CA6: variants seen among roughly 807,000 people sequenced by gnomAD.
The protein encoded by CA6 is carbonate dehydratase VI.
CA6 carries 28 observed loss-of-function variants against 35.9 expected under a neutral mutation model. That is an observed-to-expected ratio of 0.78 (90% CI 0.58 to 1.07). The LOEUF is 1.07. Ranked by LOEUF, CA6 falls within the 50% of genes least tolerant of loss-of-function variation. CA6 has a pLI of 0.00. For missense variants in CA6, 377 were observed against 382.0 expected, an observed-to-expected ratio of 0.99 and a Z score of 0.11; for synonymous variants, 148 against 152.6, an observed-to-expected ratio of 0.97 and a Z score of 0.22.
Position 8,955,070 on chromosome 1 carries a change from C to T in CA6, c.260-2067C>T, listed in dbSNP as rs116335659. Among the ~76,000 whole-genome samples, 1,412 of 151,318 alleles carry T rather than the reference C, an allele frequency of 9.3e-3. 24 individuals are homozygous for T. The highest frequency in any genetic ancestry group is 0.033 in the African/African-American group (1,353 of 41,316). ...CCATTAATATATATTGCCCAGGTGC[C>T]GGCACTGATCCATTAATATATATTG... On this transcript the variant is annotated intron_variant, in intron 2 of 7. Coordinates refer to ENST00000377443, the MANE Select transcript of CA6 (RefSeq NM_001215.4).
intron 2 of CA6, chr1:8,951,802 T>C: frequency 1.9e-6 from 1 of 538,124 alleles, no homozygotes; most frequent in East Asian, 3.0e-5. Flanking sequence ...AAAGTTCACA[T>C]TAATTATATA....
intron 4 of CA6, among the ~76,000 whole-genome samples, chr1:8,962,236 T>TCA (rs201328498): frequency 0.025 from 3,514 of 139,794 alleles, 137 homozygotes; most frequent in African/African-American, 0.092. Context: ...AGCAAGACTC[T>TCA]TAAAAAAAAA....
rs761415507 is a variant in CA6, at chr1:8,949,349, A to T, written c.166A>T (p.Lys56Ter). ...GTCGCCTATCAACCTACAGAGGACGAAGGTGCGGTACAACCCCTCCTTGAA... is the reference window on the plus strand; with the variant it reads ...GTCGCCTATCAACCTACAGAGGACGTAGGTGCGGTACAACCCCTCCTTGAA... ...RQSPINLQRT[K>*]VRYNPSLKGL... The change falls in exon 2 of 8, where the codon AAG becomes TAG. Residue 56 changes from lysine to a stop codon, truncating the protein, a stop_gained. Transcript: ENST00000377443. LOFTEE classifies it high-confidence loss of function. 6 of 1,613,102 alleles carry T rather than the reference A, an allele frequency of 3.7e-6. No homozygotes were observed. Among genetic ancestry groups the T allele is most frequent in the Non-Finnish European group, 5.1e-6 (6 of 1,179,466 alleles).
At chr1:8,956,182 C>T (rs530828662) in intron 2 of CA6, among the ~76,000 whole-genome samples, 2 of 151,974 alleles carry the variant, frequency 1.3e-5, no homozygotes, top group East Asian at 3.9e-4. Flanking sequence ...TAGATCATGC[C>T]ACTGCACTCC....
intron 5 of CA6, among the ~76,000 whole-genome samples, chr1:8,966,986 T>TA (rs35048690): frequency 0.44 from 66,044 of 151,468 alleles, 14,912 homozygotes; most frequent in East Asian, 0.7. Flanking sequence ...AAAAAAATAA[T>TA]AAAAAAAACA....
chr1:8,966,074 G>A (rs2124181221), intron 5 of CA6, among the ~76,000 whole-genome samples: 1 of 152,232 alleles, frequency 6.6e-6, no homozygotes, highest in Non-Finnish European at 1.5e-5. Context: ...GTAGATAGGA[G>A]TAGAATTGCT....
Position 8,958,979 on chromosome 1 carries a change from GC to G in CA6, c.479del (p.Ala160ValfsTer9). 1 of 1,611,806 alleles carries G rather than the reference GC, an allele frequency of 6.2e-7. No homozygotes were observed. The highest frequency in any genetic ancestry group is 1.1e-5 in the South Asian group (1 of 90,948). On this transcript the variant is annotated frameshift_variant, in exon 4 of 8. Coordinates refer to ENST00000377443, the MANE Select transcript of CA6 (RefSeq NM_001215.4). LOFTEE classifies it high-confidence loss of function. The part of the protein sequence containing the change: ...DIAQDAPDGL[A>X]VLAAFVEVKN... ...AGCCCAAGATGCGCCGGATGGTTTG[GC>G]TGTACTGGCAGCCTTCGTTGAGGTA...
chr1:8,954,370 G>A (rs1389391715), intron 2 of CA6, among the ~76,000 whole-genome samples: 2 of 152,116 alleles, frequency 1.3e-5, no homozygotes, highest in East Asian at 1.9e-4. Flanking sequence ...TCGCCATGTC[G>A]GCCAGGCTGG....
chr1:8,972,631 C>T (rs1022853892), intron 7 of CA6, among the ~76,000 whole-genome samples: 2 of 152,060 alleles, frequency 1.3e-5, no homozygotes, highest in African/African-American at 2.4e-5. Context: ...TGCAGTGAGC[C>T]GAGATTGCGC....
At chr1:8,954,592 A>AGACC (rs1299086773) in intron 2 of CA6, among the ~76,000 whole-genome samples, 1 of 152,228 alleles carries the variant, frequency 6.6e-6, no homozygotes, top group Admixed American at 6.5e-5. Flanking sequence ...GGTAACATAT[A>AGACC]GACCAAGTTG....
intron 6 of CA6, 147 bp downstream of exon 6, chr1:8,967,963 CTTTTTTT>C: frequency 5.4e-5 from 16 of 296,736 alleles, no homozygotes; most frequent in East Asian, 8.2e-5. Context: ...TCTAGCCAAC[CTTTTTTT>C]TTTTTTTTTT....
At chr1:8,970,844 T>C (rs762034029) in intron 6 of CA6, 23 bp from the exon 7 acceptor site, 1 of 1,400,314 alleles carries the variant, frequency 7.1e-7, no homozygotes. Flanking sequence ...TTCCCCTCCA[T>C]AATGCACTCA....
At chr1:8,968,877 C>T (rs186641011) in intron 6 of CA6, among the ~76,000 whole-genome samples, 29 of 151,180 alleles carry the variant, frequency 1.9e-4, no homozygotes, top group African/African-American at 2.7e-4. Flanking sequence ...ATTAGCCAGT[C>T]GTGGTGGTGG....
chr1:8,952,803 T>G (rs1034452963), intron 2 of CA6, among the ~76,000 whole-genome samples: 1 of 152,042 alleles, frequency 6.6e-6, no homozygotes, highest in Non-Finnish European at 1.5e-5. Context: ...ATTACAGGCA[T>G]GTGCCACCAC....
chr1:8,970,943 T>G lies in CA6; in HGVS notation c.806T>G (p.Leu269Arg). ...AACGATTACCGCAGGACCCAGCCCC[T>G]GAACCACAGAGTGGTGGAATCCAAC... ...IHNDYRRTQP[L>R]NHRVVESNFP... Residue 269 changes from leucine to arginine, a missense_variant, in exon 7 of 8, where the codon CTG becomes CGG. Coordinates refer to ENST00000377443, the MANE Select transcript of CA6 (RefSeq NM_001215.4). The G allele has an allele frequency of 6.2e-7, 1 of 1,613,856 alleles. No homozygotes were observed.
intron 7 of CA6, among the ~76,000 whole-genome samples, chr1:8,971,401 T>A (rs1203957356): frequency 1.3e-5 from 2 of 150,766 alleles, no homozygotes; most frequent in East Asian, 3.9e-4. Flanking sequence ...AACCTCTGCT[T>A]CCCGGGTTCA....
At chr1:8,970,202 TCTC>T (rs1640071388) in intron 6 of CA6, among the ~76,000 whole-genome samples, 1 of 114,402 alleles carries the variant, frequency 8.7e-6, no homozygotes, top group Non-Finnish European at 1.7e-5. Context: ...GAGACTCTGG[TCTC>T]AAAAAAAAAA....
chr1:8,951,400 A>T (rs1198171022), intron 2 of CA6: 2 of 750,376 alleles, frequency 2.7e-6, no homozygotes, highest in Admixed American at 3.5e-5. Context: ...CTTGTTTCCA[A>T]AGTTACTCTC....
Position 8,970,956 on chromosome 1 carries a change from G to A in CA6, c.819G>A (p.Val273=), listed in dbSNP as rs1203453867. The A allele has an allele frequency of 6.2e-7, 1 of 1,613,264 alleles. No homozygotes were observed. The highest frequency in any genetic ancestry group is 8.5e-7 in the Non-Finnish European group (1 of 1,179,384). ...GGACCCAGCCCCTGAACCACAGAGT[G>A]GTGGAATCCAACTTCCCGAATCAGG... ...YRRTQPLNHR[V]VESNFPNQEY... Residue 273 remains valine, a synonymous_variant, in exon 7 of 8, where the codon GTG becomes GTA. Transcript: ENST00000377443.
Sources: allele counts gnomAD v4.1 joint callset (sites outside exome capture counted in the v4.1 genomes callset), GRCh38; gene constraint gnomAD v4.1.1; transcripts MANE v1.5; gene names NCBI Gene and HGNC (gene_info 2026-07-23, HGNC 2026-07-21).